Variants in PTPRD observed in about 807,000 individuals in gnomAD.
The protein encoded by PTPRD is protein tyrosine phosphatase receptor type D, also known as receptor-type tyrosine-protein phosphatase delta.
PTPRD carries 34 observed loss-of-function variants against 214.5 expected under a neutral mutation model. The observed-to-expected ratio is 0.16, with a 90% CI of 0.12 to 0.21. PTPRD has a LOEUF of 0.21. PTPRD is among the 10% of genes least tolerant of loss of function. The pLI, the probability that PTPRD is intolerant of heterozygous loss-of-function variation, is 1.00. For synonymous variants in PTPRD, 1,128 were observed against 845.7 expected (o/e 1.33, Z -5.79); for missense variants, 2,545 against 2,398.7 (o/e 1.06, Z -1.27).
rs907317846 is a variant in PTPRD, at chr9:9,474,064, A to C, written c.-236-76582T>G. Among the ~76,000 whole-genome samples the C allele has an allele frequency of 1.6e-4, 24 of 151,902 alleles. No homozygotes were observed. In the East Asian group the frequency reaches 2.5e-3, roughly 16 times the overall value. On this transcript the variant is annotated intron_variant, in intron 8 of 45. Transcript: ENST00000381196. The stretch of plus-strand genomic sequence containing the variant: ...GAACGTCCTGAAGTGTTTCCCCTAT[A>C]TTTACTTCTAGTGGTTTTATAGACT...
chr9:8,506,903 T>G (rs1189800815), intron 22 of PTPRD, among the ~76,000 whole-genome samples: 1 of 152,158 alleles, frequency 6.6e-6, no homozygotes, highest in Non-Finnish European at 1.5e-5. Context: ...GGACTTTCAT[T>G]AACATATAGA....
chr9:8,577,871 G>C (rs1021177643), intron 14 of PTPRD, among the ~76,000 whole-genome samples: 2 of 152,102 alleles, frequency 1.3e-5, no homozygotes, highest in African/African-American at 4.8e-5. Context: ...AGTTCAACAA[G>C]CCTTTCAGGT....
At chr9:9,323,913 C>T (rs1645923592) in intron 9 of PTPRD, among the ~76,000 whole-genome samples, 1 of 152,142 alleles carries the variant, frequency 6.6e-6, no homozygotes, top group Non-Finnish European at 1.5e-5. Context: ...TTGTTCAATG[C>T]CCAGCTATGA....
chr9:9,287,143 T>G (rs1949743744), intron 9 of PTPRD, among the ~76,000 whole-genome samples: 1 of 151,032 alleles, frequency 6.6e-6, no homozygotes, highest in Non-Finnish European at 1.5e-5. Flanking sequence ...GAGAATCGCT[T>G]GAACCTTGGA....
chr9:9,821,759 C>T (rs2050814118), intron 5 of PTPRD, among the ~76,000 whole-genome samples: 1 of 151,762 alleles, frequency 6.6e-6, no homozygotes, highest in African/African-American at 2.4e-5. Context: ...GAGATAACTA[C>T]ATTGGCCAAT....
At position 9,694,980 on chromosome 9, in the gene PTPRD, T is replaced by C. The variant is rs79183931; in HGVS notation, c.-287+39553A>G. 3.2e-3 allele frequency among the ~76,000 whole-genome samples: 484 copies of C among 152,224 alleles called. 21 individuals are homozygous for C. In the East Asian group the frequency reaches 0.082, roughly 26 times the overall value. On this transcript the variant is annotated intron_variant, in intron 7 of 45. Transcript: ENST00000381196. ...ACTGTGGCCAAGCTGGTACCTAGTG[T>C]GCAAGACAAAGTCTCCTTTACTTTT...
Position 9,950,640 on chromosome 9 carries a change from C to T in PTPRD, c.-471-12030G>A, listed in dbSNP as rs547395636. Among the ~76,000 whole-genome samples, 2 of 60,938 alleles carry T rather than the reference C, an allele frequency of 3.3e-5. 1 individual carries two copies. Among genetic ancestry groups the T allele is most frequent in the South Asian group, 1.3e-3 (2 of 1,540 alleles). The allele number at this position is 60,938 out of a possible 152,430, so 40.0% of individuals were successfully genotyped here. ...TTGGGAGGCTGAGGCAGGAGAATGG[C>T]GTGAACCCCAGGGGGCGGAGCCTGC... On this transcript the variant is annotated intron_variant, in intron 4 of 45. Transcript: ENST00000381196.
intron 11 of PTPRD, among the ~76,000 whole-genome samples, chr9:8,851,051 C>T (rs2097799013): frequency 6.6e-6 from 1 of 152,052 alleles, no homozygotes; most frequent in African/African-American, 2.4e-5. Flanking sequence ...AATTCCTTGC[C>T]TCCATCAATA....
chr9:8,957,523 A>C (rs2099137536), intron 11 of PTPRD, among the ~76,000 whole-genome samples: 1 of 151,874 alleles, frequency 6.6e-6, no homozygotes. Context: ...CAACCATGCA[A>C]GCACCCTCTC....
chr9:8,352,895 G>GT (rs920420367), intron 39 of PTPRD, among the ~76,000 whole-genome samples: 11 of 152,126 alleles, frequency 7.2e-5, no homozygotes, highest in Admixed American at 5.9e-4. Flanking sequence ...GACGGATCAC[G>GT]AAGTTAAGAG....
chr9:9,392,260 G>A (rs971737899), intron 9 of PTPRD, among the ~76,000 whole-genome samples: 1 of 152,144 alleles, frequency 6.6e-6, no homozygotes, highest in Non-Finnish European at 1.5e-5. Context: ...TTGTTTTGTA[G>A]TTAAGTCATC....
intron 2 of PTPRD, among the ~76,000 whole-genome samples, chr9:10,606,364 A>G (rs564988181): frequency 6.6e-6 from 1 of 151,920 alleles, no homozygotes; most frequent in South Asian, 2.1e-4. Context: ...ACTGAGTAGA[A>G]TTTCTAACTT....
At chr9:8,811,290 A>G (rs1220062083) in intron 11 of PTPRD, among the ~76,000 whole-genome samples, 1 of 151,926 alleles carries the variant, frequency 6.6e-6, no homozygotes, top group African/African-American at 2.4e-5. Context: ...TTCTACCACC[A>G]AGATGCTGGC....
intron 2 of PTPRD, among the ~76,000 whole-genome samples, chr9:10,423,265 T>G (rs1387253289): frequency 6.6e-6 from 1 of 151,854 alleles, no homozygotes; most frequent in Non-Finnish European, 1.5e-5. Flanking sequence ...TGAGAACACT[T>G]GGACACAGGG....
chr9:8,577,665 T>C (rs1209291504), intron 14 of PTPRD, among the ~76,000 whole-genome samples: 1 of 152,210 alleles, frequency 6.6e-6, no homozygotes, highest in Non-Finnish European at 1.5e-5. Context: ...TACTGAGCAT[T>C]GCCTGTCTCT....
chr9:8,836,010 C>G (rs1019007035), intron 11 of PTPRD, among the ~76,000 whole-genome samples: 1 of 152,160 alleles, frequency 6.6e-6, no homozygotes, highest in African/African-American at 2.4e-5. Flanking sequence ...GTAGGAACTT[C>G]ATAAATATTG....
At chr9:10,326,058 G>A (rs914291199) in intron 3 of PTPRD, among the ~76,000 whole-genome samples, 3 of 151,428 alleles carry the variant, frequency 2.0e-5, no homozygotes, top group African/African-American at 7.3e-5. Context: ...TTAATTGTAA[G>A]GTAGATATAT....
At chr9:10,348,926 T>C (rs1309785709) in intron 2 of PTPRD, among the ~76,000 whole-genome samples, 1 of 152,054 alleles carries the variant, frequency 6.6e-6, no homozygotes, top group Admixed American at 6.5e-5. Flanking sequence ...GATTTTTACC[T>C]TCAAGCTTAT....
At chr9:10,370,811 A>G (rs2097597206) in intron 2 of PTPRD, among the ~76,000 whole-genome samples, 1 of 151,958 alleles carries the variant, frequency 6.6e-6, no homozygotes, top group Admixed American at 6.6e-5. Flanking sequence ...GCTGTCTTTG[A>G]TAAAAGATCT....
Sources: allele counts gnomAD v4.1 joint callset (sites outside exome capture counted in the v4.1 genomes callset), GRCh38; gene constraint gnomAD v4.1.1; transcripts MANE v1.5; gene names NCBI Gene and HGNC (gene_info 2026-07-23, HGNC 2026-07-21).